Variants in PRDM7 observed in about 807,000 individuals in gnomAD.
PRDM7 encodes the protein histone-lysine N-methyltransferase PRDM7.
A neutral mutation model predicts 64.3 loss-of-function variants in PRDM7; 52 were observed. The observed-to-expected ratio is 0.81, with a 90% CI of 0.65 to 1.02. The LOEUF is 1.02. Among genes scored for constraint, PRDM7 ranks in the 50% least tolerant of loss-of-function variants. PRDM7 has a pLI of 0.00. For missense variants in PRDM7, 574 were observed against 597.1 expected (o/e 0.96, Z 0.40); for synonymous variants, 192 against 210.1 (o/e 0.91, Z 0.74).
chr16:90,073,402 ATT>A (rs536683798), intron 4 of PRDM7, among the ~76,000 whole-genome samples: 5 of 141,712 alleles, frequency 3.5e-5, no homozygotes, highest in Non-Finnish European at 1.6e-5. Flanking sequence ...AAGAATGACA[ATT>A]TTTTTTTTTT....
chr16:90,066,205 G>C (rs1271209546), intron 5 of PRDM7, among the ~76,000 whole-genome samples: 2 of 151,256 alleles, frequency 1.3e-5, no homozygotes, highest in African/African-American at 4.9e-5. Context: ...TTCAGGGCTG[G>C]AAGCTGCTTC....
chr16:90,062,303 A>T lies in PRDM7; in HGVS notation c.610+98T>A, dbSNP rs1172902562. 16 of 1,613,530 alleles carry T rather than the reference A, an allele frequency of 9.9e-6. No individual in the cohort carries two copies. The Admixed American group carries it at 2.7e-4, about 27-fold the overall frequency. ...TATTTAGCCCCAATCCTGTACTTTA[A>T]TTCATTCGAGTAAGGGAATGATTTG... is the stretch of plus-strand genomic sequence containing the variant. On this transcript the variant is annotated intron_variant, in intron 7 of 10. Transcript: ENST00000449207.
rs781710231 is a variant in PRDM7, at chr16:90,075,310, T to C, written c.193+41A>G. ...TAATATAGGGACCAAAGACCTGTTT[T>C]ATATCGCCCAGGCTGGTCTGTGCCC... On this transcript the variant is annotated intron_variant, in intron 3 of 10. Coordinates refer to ENST00000449207, the MANE Select transcript of PRDM7 (RefSeq NM_001098173.2). The surrounding 1 kb of genome is among the most constrained non-coding windows in gnomAD (Gnocchi z 4.3). 6.2e-7 allele frequency: 1 copy of C among 1,614,144 alleles called. No individual in the cohort carries two copies. The highest frequency in any genetic ancestry group is 1.1e-5 in the South Asian group (1 of 91,060).
At chr16:90,068,824 A>T (rs2037916686) in intron 4 of PRDM7, among the ~76,000 whole-genome samples, 1 of 151,220 alleles carries the variant, frequency 6.6e-6, no homozygotes, top group African/African-American at 2.5e-5. Context: ...AAAAACTTGA[A>T]CACTGAAAAC....
intron 7 of PRDM7, 72 bp from the exon 8 acceptor site, chr16:90,062,264 C>T (rs542919543): frequency 1.4e-5 from 22 of 1,613,930 alleles, no homozygotes; most frequent in South Asian, 5.5e-5. Flanking sequence ...TCAGAAAGAG[C>T]GTGGCACTCA....
At chr16:90,059,992 G>A (rs11647734) in intron 10 of PRDM7, among the ~76,000 whole-genome samples, 12,843 of 152,172 alleles carry the variant, frequency 0.084, 670 homozygotes, top group East Asian at 0.15. Flanking sequence ...CAACATATGC[G>A]TATCATTAAG....
At chr16:90,068,088 G>T (rs904778077) in intron 4 of PRDM7, among the ~76,000 whole-genome samples, 1 of 150,940 alleles carries the variant, frequency 6.6e-6, no homozygotes, top group Non-Finnish European at 1.5e-5. Flanking sequence ...ATCTCTGTTT[G>T]CAGATGACAT....
At chr16:90,065,412 G>GAAAGA (rs939333087) in intron 5 of PRDM7, among the ~76,000 whole-genome samples, 2 of 123,470 alleles carry the variant, frequency 1.6e-5, no homozygotes, top group African/African-American at 3.1e-5. Flanking sequence ...AAAAAAAAAA[G>GAAAGA]AAAGAAAAGA....
chr16:90,068,366 T>G (rs1244208677), intron 4 of PRDM7, among the ~76,000 whole-genome samples: 2 of 151,262 alleles, frequency 1.3e-5, no homozygotes, highest in Non-Finnish European at 2.9e-5. Context: ...CTGGGCATGG[T>G]GGCTCAAGCC....
chr16:90,075,495 C>T lies in PRDM7; in HGVS notation c.70-21G>A, dbSNP rs761301037. 1.2e-6 allele frequency: 2 copies of T among 1,614,154 alleles called. No individual in the cohort carries two copies. Among genetic ancestry groups the T allele is most frequent in the Non-Finnish European group, 1.7e-6 (2 of 1,180,036 alleles). On this transcript the variant is annotated intron_variant, in intron 2 of 10. Coordinates refer to ENST00000449207, the MANE Select transcript of PRDM7 (RefSeq NM_001098173.2). This position sits in a 1 kb window ranked among gnomAD's most constrained non-coding sequence, Gnocchi z 4.3. ...TTGACCTAGAGGAAGTAACAGATTC[C>T]ATCAGTGATTTACTAATACACATCG...
intron 5 of PRDM7, 67 bp downstream of exon 5, chr16:90,066,794 C>A: frequency 1.4e-6 from 2 of 1,397,160 alleles, no homozygotes; most frequent in Non-Finnish European, 2.0e-6. Flanking sequence ...TGTACATTCT[C>A]CTTCTCTTAC....
chr16:90,073,974 T>G (rs1395941697), intron 4 of PRDM7, among the ~76,000 whole-genome samples: 2 of 151,804 alleles, frequency 1.3e-5, no homozygotes, highest in African/African-American at 4.8e-5. Context: ...TTAATAGAGA[T>G]GGGGTTTCAC....
At chr16:90,064,931 C>G (rs1454971355) in intron 5 of PRDM7, among the ~76,000 whole-genome samples, 1 of 150,708 alleles carries the variant, frequency 6.6e-6, no homozygotes, top group Non-Finnish European at 1.5e-5. Context: ...GTTGGCCAAG[C>G]TGGTCTTGAA....
intron 4 of PRDM7, among the ~76,000 whole-genome samples, chr16:90,068,820 T>A (rs917519111): frequency 1.3e-5 from 2 of 150,922 alleles, no homozygotes; most frequent in Non-Finnish European, 2.9e-5. Context: ...AGGCAAAAAC[T>A]TGAACACTGA....
intron 5 of PRDM7, among the ~76,000 whole-genome samples, chr16:90,066,656 A>C (rs12444840): frequency 0.027 from 4,073 of 151,422 alleles, 119 homozygotes; most frequent in South Asian, 0.055. Context: ...AAAAAGTCTG[A>C]AAATACTGAG....
In PRDM7 at chr16:90,066,644, T is replaced by TA. The variant is rs1328547974; in HGVS notation, c.351+216dup. Reference sequence around the variant, plus strand: ...GTAAAGTTTATTCATGTAAAATGCTTAAAAAAGTCTGAAAATACTGAGAAA... The same window carrying TA: ...GTAAAGTTTATTCATGTAAAATGCTTAAAAAAAGTCTGAAAATACTGAGAAA... On this transcript the variant is annotated intron_variant, in intron 5 of 10. Transcript: ENST00000449207. 4.6e-5 allele frequency among the ~76,000 whole-genome samples: 7 copies of TA among 151,226 alleles called. 1 individual carries two copies. Among genetic ancestry groups the TA allele is most frequent in the Non-Finnish European group, 8.8e-5 (6 of 67,968 alleles).
intron 5 of PRDM7, among the ~76,000 whole-genome samples, chr16:90,066,137 T>C (rs1322445969): frequency 1.3e-5 from 2 of 151,444 alleles, no homozygotes; most frequent in African/African-American, 4.9e-5. Context: ...GTGTAACCTA[T>C]ATGAAGTCCT....
At chr16:90,061,316 T>C (rs2037772284) in intron 9 of PRDM7, 136 bp downstream of exon 9, 1 of 853,312 alleles carries the variant, frequency 1.2e-6, no homozygotes, top group African/African-American at 1.7e-5. Context: ...GTTGATGGTA[T>C]AAAACAGCAT....
At chr16:90,070,597 A>G (rs898561464) in intron 4 of PRDM7, among the ~76,000 whole-genome samples, 2 of 151,022 alleles carry the variant, frequency 1.3e-5, no homozygotes. Flanking sequence ...AAAATCTTCT[A>G]GTAGGTATTA....
Sources: allele counts gnomAD v4.1 joint callset (sites outside exome capture counted in the v4.1 genomes callset), GRCh38; gene constraint gnomAD v4.1.1; non-coding constraint Gnocchi (gnomAD v3.1); transcripts MANE v1.5; gene names NCBI Gene and HGNC (gene_info 2026-07-23, HGNC 2026-07-21).